The following MCF2 variants were observed in gnomAD, a reference collection of about 807,000 sequenced individuals.
MCF2 encodes the protein MCF.2 cell line derived transforming sequence, also known as proto-oncogene DBL.
A neutral mutation model predicts 82.5 loss-of-function variants in MCF2; 44 were observed. The observed-to-expected ratio is 0.53, with a 90% confidence interval of 0.42 to 0.69. The LOEUF (loss-of-function observed/expected upper bound fraction) is 0.69, where lower values mean the gene tolerates loss of function less well. Ranked by LOEUF, MCF2 falls within the 30% of genes least tolerant of loss-of-function variation. The pLI is 0.00. For missense variants in MCF2, 623 were observed against 663.1 expected (o/e 0.94, Z 0.66); for synonymous variants, 217 against 224.9 (o/e 0.96, Z 0.32).
Position 139,609,498 on chromosome X carries a change from A to G in MCF2, c.1401+803T>C, listed in dbSNP as rs1337236267. ...CAAGAGTTTGAGGCTGCAGTGAGCT[A>G]TGATCGCACCACTGTAGTCCAGCCT... On this transcript the variant is annotated intron_variant, in intron 11 of 24. Transcript: ENST00000370576. Among the ~76,000 whole-genome samples the G allele has an allele frequency of 2.7e-5, 3 of 111,192 alleles. No homozygotes were observed. The East Asian group carries it at 8.5e-4, about 32-fold the overall frequency.
chrX:139,635,060 C>T (rs1207399395), intron 1 of MCF2, among the ~76,000 whole-genome samples: 2 of 111,258 alleles, frequency 1.8e-5, no homozygotes, highest in Non-Finnish European at 3.8e-5. Flanking sequence ...GGCGACAGAG[C>T]GAGACCTCAT....
intron 1 of MCF2, chrX:139,691,888 G>A (rs1935276366): frequency 8.7e-7 from 1 of 1,144,133 alleles, no homozygotes; most frequent in Non-Finnish European, 1.2e-6. Context: ...GAGGCCGCCG[G>A]GGAGGAGATG....
At chrX:139,591,061 T>C (rs374265402) in intron 19 of MCF2, among the ~76,000 whole-genome samples, 8 of 111,360 alleles carry the variant, frequency 7.2e-5, no homozygotes, top group African/African-American at 2.6e-4. Flanking sequence ...TAAAAATTAA[T>C]TTTGTTTCAT....
chrX:139,582,576 C>T (rs924575991), intron 24 of MCF2, 73 bp from the exon 29 acceptor site: 1 of 777,077 alleles, frequency 1.3e-6, no homozygotes, highest in Non-Finnish European at 1.9e-6. Flanking sequence ...GCAGGTCATT[C>T]CAGCTTCTTG....
At chrX:139,643,497 C>A (rs757792693), upstream of MCF2, among the ~76,000 whole-genome samples, 8 of 111,477 alleles carry the variant, frequency 7.2e-5, no homozygotes, top group South Asian at 3.1e-3. Context: ...AGAAACTATA[C>A]CACAAGCAAA....
intron 1 of MCF2, among the ~76,000 whole-genome samples, chrX:139,698,067 T>C (rs1221587247): frequency 2.7e-5 from 3 of 111,542 alleles, no homozygotes; most frequent in African/African-American, 9.8e-5. Context: ...CTGAGCCTGG[T>C]TGGAGGTCAG....
intron 19 of MCF2, among the ~76,000 whole-genome samples, chrX:139,594,142 C>A (rs924779717): frequency 3.6e-5 from 4 of 109,769 alleles, no homozygotes; most frequent in African/African-American, 6.6e-5. Context: ...TGAAAATGGC[C>A]ATACTGCCCA....
chrX:139,606,301 C>T (rs374310235), intron 12 of MCF2, among the ~76,000 whole-genome samples: 2 of 109,386 alleles, frequency 1.8e-5, no homozygotes, highest in African/African-American at 3.3e-5. Flanking sequence ...TAAAGGAGGC[C>T]GCAGATTTTT....
At chrX:139,594,307 G>C (rs1248329564) in intron 19 of MCF2, among the ~76,000 whole-genome samples, 6 of 110,998 alleles carry the variant, frequency 5.4e-5, no homozygotes, top group Non-Finnish European at 1.1e-4. Context: ...GAGGCATCAC[G>C]CTACCTGACT....
intron 11 of MCF2, 151 bp from the exon 16 acceptor site, chrX:139,607,930 A>T (rs1411585643): frequency 7.2e-5 from 29 of 403,638 alleles, no homozygotes; most frequent in Middle Eastern, 1.2e-3. Context: ...TAACTTTGAT[A>T]CGTACTAGTA....
intron 1 of MCF2, among the ~76,000 whole-genome samples, chrX:139,659,063 G>A (rs1295426933): frequency 9.0e-6 from 1 of 111,316 alleles, no homozygotes; most frequent in Non-Finnish European, 1.9e-5. Flanking sequence ...GCCGAGGCAG[G>A]CGGATCACGA....
Position 139,679,581 on chromosome X carries a change from C to T in MCF2, c.-44-27793G>A, listed in dbSNP as rs781093288. Among the ~76,000 whole-genome samples the T allele has an allele frequency of 6.3e-5, 7 of 110,641 alleles. No individual in the cohort carries two copies. The South Asian group carries it at 2.8e-3, about 44-fold the overall frequency. ...CTGGTCTGGATCTCCTGGGACTCTACATCTAGAGGCAGGAAGCAGTGAAAG... is the reference window on the plus strand; with the variant it reads ...CTGGTCTGGATCTCCTGGGACTCTATATCTAGAGGCAGGAAGCAGTGAAAG... On this transcript the variant is annotated intron_variant, in intron 1 of 27. Transcript: ENST00000414978.
intron 10 of MCF2, chrX:139,613,228 G>A: frequency 8.7e-7 from 1 of 1,149,907 alleles, no homozygotes; most frequent in Non-Finnish European, 1.2e-6. Context: ...TTTGAAAAAA[G>A]TTTACATGCT....
intron 1 of MCF2, among the ~76,000 whole-genome samples, chrX:139,693,916 G>A (rs1935329759): frequency 8.9e-6 from 1 of 112,061 alleles, no homozygotes; most frequent in African/African-American, 3.2e-5. Flanking sequence ...CTGCTATGTT[G>A]TCAAGTGTAA....
intron 1 of MCF2, among the ~76,000 whole-genome samples, chrX:139,667,223 T>C: frequency 9.2e-6 from 1 of 108,141 alleles, no homozygotes; most frequent in Non-Finnish European, 1.9e-5. Flanking sequence ...GACAGGTTCT[T>C]GCTCTGTTAC....
chrX:139,582,289 C>T, exon 25 of MCF2: 2 of 494,901 alleles, frequency 4.0e-6, no homozygotes, highest in Non-Finnish European at 7.2e-6. Flanking sequence ...AGACAGCGTA[C>T]CATAATTAAA....
chrX:139,590,408 G>A (rs1929398532), intron 19 of MCF2, among the ~76,000 whole-genome samples: 1 of 110,385 alleles, frequency 9.1e-6, no homozygotes, highest in Non-Finnish European at 1.9e-5. Flanking sequence ...TCATGGGACA[G>A]GAGAGAACCA....
chrX:139,590,474 A>C (rs964713924), intron 19 of MCF2, among the ~76,000 whole-genome samples: 7 of 109,471 alleles, frequency 6.4e-5, no homozygotes, highest in Non-Finnish European at 1.3e-4. Flanking sequence ...TTTCTAAAAA[A>C]AAAATAATAA....
At chrX:139,590,229 C>T (rs908982745) in intron 19 of MCF2, among the ~76,000 whole-genome samples, 2 of 110,961 alleles carry the variant, frequency 1.8e-5, no homozygotes, top group Admixed American at 9.6e-5. Flanking sequence ...TAATAGTACA[C>T]TATTAAAACA....
Sources: gnomAD v4.1 joint callset for allele counts (sites outside exome capture counted in the v4.1 genomes callset) on GRCh38, gnomAD v4.1.1 for gene constraint, MANE v1.5 for transcripts, NCBI Gene and HGNC (gene_info 2026-07-23, HGNC 2026-07-21) for gene names.